Variants in BMPR2 observed in about 807,000 individuals in gnomAD.
BMPR2 encodes the protein bone morphogenetic protein receptor type-2.
A neutral mutation model predicts 100.8 loss-of-function variants in BMPR2; 29 were observed. That is an observed-to-expected ratio of 0.29 (90% CI 0.21 to 0.39). BMPR2 has a LOEUF of 0.39. Ranked by LOEUF, BMPR2 falls within the 10% of genes least tolerant of loss-of-function variation. BMPR2 has a pLI of 1.00. For synonymous variants in BMPR2, 382 were observed against 442.3 expected, an observed-to-expected ratio of 0.86 and a Z score of 1.71; for missense variants, 1,011 against 1,274.5, an observed-to-expected ratio of 0.79 and a Z score of 3.15.
rs371174955 is a variant in BMPR2 at position 202,555,437 on chromosome 2, G to A, written c.1772G>A (p.Arg591Gln). 4.3e-6 allele frequency: 7 copies of A among 1,614,092 alleles called. No individual in the cohort carries two copies. In the South Asian group the frequency reaches 4.4e-5, roughly 10 times the overall value. The stretch of plus-strand genomic sequence containing the variant: ...AACCGAAATTCAATTAACTATGAAC[G>A]ACAGCAAGCACAAGCTCGAATCCCC... ...EKNRNSINYE[R>Q]QQAQARIPSP... Residue 591 changes from arginine (R) to glutamine (Q), a missense_variant, in exon 12 of 13, where the codon CGA (arginine) becomes CAA (glutamine). By Grantham distance (43) the Arg-to-Gln change is conservative. Around this residue, in one of 6 missense-constraint regions of BMPR2, gnomAD observed 508 missense variants for 552.0 expected, o/e 0.92. Transcript: ENST00000374580.
At chr2:202,402,245 G>A (rs1690780753) in intron 1 of BMPR2, among the ~76,000 whole-genome samples, 1 of 152,194 alleles carries the variant, frequency 6.6e-6, no homozygotes, top group Non-Finnish European at 1.5e-5. Flanking sequence ...TTGGCCGGGT[G>A]TGGTGGCTCA....
intron 9 of BMPR2, among the ~76,000 whole-genome samples, chr2:202,537,380 T>G (rs1485526503): frequency 6.6e-6 from 1 of 152,192 alleles, no homozygotes; most frequent in African/African-American, 2.4e-5. Flanking sequence ...TCGCTTTTGA[T>G]CTGATAAATA....
intron 1 of BMPR2, among the ~76,000 whole-genome samples, chr2:202,414,968 G>C (rs1270846441): frequency 6.6e-6 from 1 of 151,972 alleles, no homozygotes; most frequent in African/African-American, 2.4e-5. Context: ...TTGAACTCAG[G>C]TGATCCGCTT....
chr2:202,387,691 G>T (rs756912556), intron 1 of BMPR2, among the ~76,000 whole-genome samples: 32 of 152,290 alleles, frequency 2.1e-4, no homozygotes, highest in Non-Finnish European at 4.4e-4. Flanking sequence ...ATTCATTGAA[G>T]ATTCAAAGCT....
intron 3 of BMPR2, among the ~76,000 whole-genome samples, chr2:202,497,599 C>T (rs990161423): frequency 6.6e-6 from 1 of 152,182 alleles, no homozygotes; most frequent in Non-Finnish European, 1.5e-5. Context: ...GCTCCGGGGT[C>T]CCAACAACAA....
chr2:202,512,512 A>G (rs1295714410), intron 3 of BMPR2, among the ~76,000 whole-genome samples: 3 of 152,214 alleles, frequency 2.0e-5, no homozygotes, highest in Non-Finnish European at 1.5e-5. Context: ...CAGCTATCAT[A>G]TCCTCCCAAG....
At position 202,555,429 on chromosome 2, in the gene BMPR2, C is replaced by G; in HGVS notation, c.1764C>G (p.Asn588Lys). 1 of 1,614,222 alleles carries G rather than the reference C, an allele frequency of 6.2e-7. No individual in the cohort carries two copies. The highest frequency in any genetic ancestry group is 8.5e-7 in the Non-Finnish European group (1 of 1,180,034). Residue 588 changes from asparagine to lysine, a missense_variant, in exon 12 of 13, where the codon AAC (asparagine) becomes AAG (lysine). Asn to Lys is a moderately conservative substitution (Grantham distance 94, BLOSUM62 0). Around this residue, in one of 6 missense-constraint regions of BMPR2, gnomAD observed 508 missense variants for 552.0 expected, o/e 0.92. Transcript: ENST00000374580. ...TIGEKNRNSI[N>K]YERQQAQARI... ...GGGAAAAAAACCGAAATTCAATTAA[C>G]TATGAACGACAGCAAGCACAAGCTC...
At chr2:202,404,813 A>G (rs549317322) in intron 1 of BMPR2, among the ~76,000 whole-genome samples, 23 of 151,988 alleles carry the variant, frequency 1.5e-4, no homozygotes, top group Admixed American at 2.6e-4. Flanking sequence ...CCCAGTGTCT[A>G]TCGTTCCAAT....
At chr2:202,409,324 A>G (rs1450555458) in intron 1 of BMPR2, among the ~76,000 whole-genome samples, 1 of 152,152 alleles carries the variant, frequency 6.6e-6, no homozygotes, top group African/African-American at 2.4e-5. Flanking sequence ...TCCAGCCTTC[A>G]TGCAGAGCAA....
chr2:202,545,022 A>T (rs1688349939), intron 10 of BMPR2, among the ~76,000 whole-genome samples: 1 of 151,680 alleles, frequency 6.6e-6, no homozygotes, highest in African/African-American at 2.4e-5. Flanking sequence ...TCAGCTTCTC[A>T]AAGTACTGAG....
intron 3 of BMPR2, among the ~76,000 whole-genome samples, chr2:202,494,158 ATCATAAC>A (rs1271785783): frequency 6.6e-6 from 1 of 152,258 alleles, no homozygotes; most frequent in African/African-American, 2.4e-5. Flanking sequence ...CAGAAACAAT[ATCATAAC>A]AATTTGGATT....
intron 9 of BMPR2, among the ~76,000 whole-genome samples, chr2:202,534,959 C>CTG: frequency 1.0e-5 from 1 of 97,714 alleles, no homozygotes; most frequent in African/African-American, 3.9e-5. Flanking sequence ...GGCTGACCCC[C>CTG]CCCACCTCCT....
chr2:202,542,053 G>A (rs1355544799), intron 9 of BMPR2, among the ~76,000 whole-genome samples: 1 of 151,622 alleles, frequency 6.6e-6, no homozygotes, highest in Non-Finnish European at 1.5e-5. Flanking sequence ...AGAGGTTGCA[G>A]TGAGCCGAGA....
At chr2:202,470,453 T>C (rs1692412690) in intron 3 of BMPR2, among the ~76,000 whole-genome samples, 1 of 151,954 alleles carries the variant, frequency 6.6e-6, no homozygotes, top group Non-Finnish European at 1.5e-5. Context: ...AATGTTTTAA[T>C]AATTTTTGTA....
At chr2:202,420,196 T>C (rs1163281401) in intron 1 of BMPR2, among the ~76,000 whole-genome samples, 1 of 151,844 alleles carries the variant, frequency 6.6e-6, no homozygotes. Context: ...TAACAAAAAA[T>C]AAAAGACTAA....
Position 202,393,818 on chromosome 2 carries a change from T to C in BMPR2, c.76+16268T>C, listed in dbSNP as rs144367398. ...AATCTTTTCAAGCCCATTTTACTTATTTAGGTCACTAATTATAGAGTTTGT... is the reference window on the plus strand; with the variant it reads ...AATCTTTTCAAGCCCATTTTACTTACTTAGGTCACTAATTATAGAGTTTGT... On this transcript the variant is annotated intron_variant, in intron 1 of 12. Coordinates refer to ENST00000374580, the MANE Select transcript of BMPR2 (RefSeq NM_001204.7). Among the ~76,000 whole-genome samples, 1,365 of 151,754 alleles carry C rather than the reference T, an allele frequency of 9.0e-3. 12 individuals are homozygous for C. Among genetic ancestry groups the C allele is most frequent in the Non-Finnish European group, 0.014 (938 of 67,962 alleles).
chr2:202,496,968 CG>C (rs759122877), intron 3 of BMPR2, among the ~76,000 whole-genome samples: 1 of 152,220 alleles, frequency 6.6e-6, no homozygotes, highest in Non-Finnish European at 1.5e-5. Flanking sequence ...GCTGGAGTTC[CG>C]GGTGGGCATG....
intron 5 of BMPR2, among the ~76,000 whole-genome samples, chr2:202,518,592 C>CT (rs968706128): frequency 1.3e-5 from 2 of 151,880 alleles, no homozygotes; most frequent in Admixed American, 6.6e-5. Flanking sequence ...TTAGATCTTT[C>CT]TTTTTTTTAA....
At position 202,518,962 on chromosome 2, in the gene BMPR2, T is replaced by G; in HGVS notation, c.762T>G (p.His254Gln). The G allele has an allele frequency of 1.2e-6, 2 of 1,614,210 alleles. No individual in the cohort carries two copies. The highest frequency in any genetic ancestry group is 1.7e-6 in the Non-Finnish European group (2 of 1,180,032). Residue 254 changes from histidine to glutamine, a missense_variant, in exon 6 of 13, where the codon CAT becomes CAG. Physicochemically the swap from His to Gln is conservative, Grantham distance 24 (BLOSUM62 0). Transcript: ENST00000374580. ...TTTACAGAGTGCCTTTGATGGAACATGACAACATTGCCCGCTTTATAGTTG... is the reference window on the plus strand; with the variant it reads ...TTTACAGAGTGCCTTTGATGGAACAGGACAACATTGCCCGCTTTATAGTTG... ...KNIYRVPLME[H>Q]DNIARFIVGD...
Sources: allele counts gnomAD v4.1 joint callset (sites outside exome capture counted in the v4.1 genomes callset), GRCh38; gene constraint gnomAD v4.1.1; regional missense constraint gnomAD v4.1.1; transcripts MANE v1.5; gene names NCBI Gene and HGNC (gene_info 2026-07-23, HGNC 2026-07-21).